The following DIAPH2 variants were observed in gnomAD, a reference collection of about 807,000 sequenced individuals.
The protein encoded by DIAPH2 is protein diaphanous homolog 2.
Under a neutral mutation model 92.7 loss-of-function variants are expected in DIAPH2, and 35 were observed. The observed-to-expected ratio is 0.38, with a 90% CI of 0.29 to 0.50. DIAPH2 has a LOEUF of 0.50. Ranked by LOEUF, DIAPH2 falls within the 20% of genes least tolerant of loss-of-function variation. The probability of loss-of-function intolerance (pLI) is 0.94; values close to 1 mark genes in which losing one functional copy is unlikely to be tolerated. For missense variants in DIAPH2, 701 were observed against 819.5 expected, an observed-to-expected ratio of 0.86 and a Z score of 1.77; for synonymous variants, 301 against 280.4, an observed-to-expected ratio of 1.07 and a Z score of -0.73.
intron 17 of DIAPH2, among the ~76,000 whole-genome samples, chrX:97,011,573 A>T (rs2066225687): frequency 9.0e-6 from 1 of 111,525 alleles, no homozygotes; most frequent in Admixed American, 9.5e-5. Flanking sequence ...CATTGGAAGC[A>T]ATTTTGTTTT....
Position 96,884,964 on chromosome X carries a change from G to C in DIAPH2, c.587+3246G>C, listed in dbSNP as rs781437665. 115 of 1,209,006 alleles carry C rather than the reference G, an allele frequency of 9.5e-5. No homozygotes were observed. The highest frequency in any genetic ancestry group is 1.3e-4 in the Non-Finnish European group (113 of 895,001). On this transcript the variant is annotated intron_variant, in intron 5 of 26. Transcript: ENST00000324765. The stretch of plus-strand genomic sequence containing the variant: ...ATGAGTGTCCTCATCAGGAAGGGAA[G>C]AGCATCCATGAGCTCCGGGCTCAGC...
At chrX:96,944,263 T>A (rs903818614) in intron 13 of DIAPH2, among the ~76,000 whole-genome samples, 1 of 111,997 alleles carries the variant, frequency 8.9e-6, no homozygotes, top group Non-Finnish European at 1.9e-5. Flanking sequence ...TTACCAGCCA[T>A]GGCTAGGACA....
chrX:97,188,446 A>G (rs763872338), intron 22 of DIAPH2, among the ~76,000 whole-genome samples: 1 of 112,267 alleles, frequency 8.9e-6, no homozygotes, highest in African/African-American at 3.2e-5. Context: ...GGACCGTCCA[A>G]TACGAATAGT....
At chrX:97,357,904 G>C (rs1253099013) in intron 24 of DIAPH2, among the ~76,000 whole-genome samples, 2 of 111,527 alleles carry the variant, frequency 1.8e-5, no homozygotes, top group Non-Finnish European at 3.8e-5. Context: ...ATGTGAACTG[G>C]GTCTGATCAT....
At chrX:96,754,143 C>T (rs1292484225) in intron 3 of DIAPH2, among the ~76,000 whole-genome samples, 2 of 111,657 alleles carry the variant, frequency 1.8e-5, no homozygotes, top group Non-Finnish European at 3.8e-5. Context: ...GACACATGAC[C>T]GCTAGAGTTT....
At chrX:97,436,955 C>T (rs1317850085) in intron 26 of DIAPH2, among the ~76,000 whole-genome samples, 3 of 111,770 alleles carry the variant, frequency 2.7e-5, no homozygotes, top group Admixed American at 1.9e-4. Flanking sequence ...GCTTATGCCT[C>T]AGACTATTAC....
chrX:97,282,332 C>T (rs1833355499), intron 23 of DIAPH2, among the ~76,000 whole-genome samples: 1 of 111,632 alleles, frequency 9.0e-6, no homozygotes, highest in Non-Finnish European at 1.9e-5. Context: ...TTCGCACTGT[C>T]GCTTGGGCTG....
intron 23 of DIAPH2, among the ~76,000 whole-genome samples, chrX:97,249,317 C>A (rs953891170): frequency 1.8e-5 from 2 of 111,487 alleles, no homozygotes; most frequent in African/African-American, 3.3e-5. Context: ...TATTTTATTT[C>A]TCTCTTTATG....
chrX:96,927,350 A>G (rs2065590399), intron 9 of DIAPH2, among the ~76,000 whole-genome samples: 2 of 102,952 alleles, frequency 1.9e-5, no homozygotes, highest in African/African-American at 7.2e-5. Context: ...GAGTACACTC[A>G]TCTCTTAAAG....
intron 23 of DIAPH2, among the ~76,000 whole-genome samples, chrX:97,273,293 A>G (rs1265938523): frequency 8.9e-6 from 1 of 112,403 alleles, no homozygotes; most frequent in Non-Finnish European, 1.9e-5. Flanking sequence ...AGAAATACAT[A>G]CAAGAAATAT....
intron 26 of DIAPH2, among the ~76,000 whole-genome samples, chrX:97,589,974 G>C (rs954193655): frequency 2.7e-5 from 3 of 112,223 alleles, no homozygotes; most frequent in Non-Finnish European, 3.8e-5. Flanking sequence ...TAAAACAATG[G>C]CACCGACAGC....
intron 4 of DIAPH2, among the ~76,000 whole-genome samples, chrX:96,813,430 A>T (rs1434602406): frequency 9.2e-6 from 1 of 108,986 alleles, no homozygotes; most frequent in African/African-American, 3.4e-5. Flanking sequence ...TGCACGTGAG[A>T]TGGGTTTCCT....
intron 1 of DIAPH2, among the ~76,000 whole-genome samples, chrX:96,715,689 G>C (rs935862663): frequency 1.8e-5 from 2 of 111,162 alleles, no homozygotes; most frequent in African/African-American, 6.5e-5. Context: ...ACCTAGACTA[G>C]AGTATTTTAC....
At position 97,075,183 on chromosome X, in the gene DIAPH2, A is replaced by G. The variant is rs981888313; in HGVS notation, c.2169A>G (p.Ser723=). Residue 723 remains serine, a synonymous_variant, in exon 19 of 27, where the codon TCA becomes TCG. Transcript: ENST00000324765. Reference sequence around the variant, plus strand: ...TTATTTTAGCCATCTTTCTGGGATCATATCGCATGCCATATGAAGACATAA... The same window carrying G: ...TTATTTTAGCCATCTTTCTGGGATCGTATCGCATGCCATATGAAGACATAA... ...TAQNLSIFLG[S]YRMPYEDIRN... 2 of 1,184,769 alleles carry G rather than the reference A, an allele frequency of 1.7e-6. No individual in the cohort carries two copies. Among genetic ancestry groups the G allele is most frequent in the African/African-American group, 1.8e-5 (1 of 56,612 alleles).
intron 26 of DIAPH2, among the ~76,000 whole-genome samples, chrX:97,582,836 C>T (rs1424934235): frequency 9.0e-6 from 1 of 111,584 alleles, no homozygotes; most frequent in Non-Finnish European, 1.9e-5. Flanking sequence ...TTGGTCTTTT[C>T]ACATAGTCCC....
chrX:97,478,695 C>T (rs1482186642), intron 26 of DIAPH2, among the ~76,000 whole-genome samples: 3 of 111,835 alleles, frequency 2.7e-5, no homozygotes, highest in Non-Finnish European at 5.6e-5. Flanking sequence ...CCATATTAGG[C>T]AAGTCAGATT....
chrX:97,489,032 A>G (rs1230885288), intron 26 of DIAPH2, among the ~76,000 whole-genome samples: 1 of 112,001 alleles, frequency 8.9e-6, no homozygotes. Context: ...GATTATCTTA[A>G]GTAGTATGGA....
At chrX:96,994,168 T>C (rs2066089860) in intron 17 of DIAPH2, among the ~76,000 whole-genome samples, 1 of 111,903 alleles carries the variant, frequency 8.9e-6, no homozygotes. Flanking sequence ...CAAGTCTCAA[T>C]TGGACACTGT....
chrX:96,970,966 T>G (rs5921024), intron 17 of DIAPH2, among the ~76,000 whole-genome samples: 4,476 of 112,213 alleles, frequency 0.04, 106 homozygotes, highest in Middle Eastern at 0.083. Context: ...AAAATTTTTA[T>G]TTTCTGTAAA....
Sources: gnomAD v4.1 joint callset for allele counts (sites outside exome capture counted in the v4.1 genomes callset) on GRCh38, gnomAD v4.1.1 for gene constraint, MANE v1.5 for transcripts, NCBI Gene and HGNC (gene_info 2026-07-23, HGNC 2026-07-21) for gene names.